The following CTTNBP2 variants were observed in gnomAD, a reference collection of about 807,000 sequenced individuals.
The protein encoded by CTTNBP2 is cortactin-binding protein 2.
In CTTNBP2, 108 loss-of-function variants were observed where a neutral mutation model predicts 156.9. That is an observed-to-expected ratio of 0.69 (90% CI 0.59 to 0.81). The LOEUF (loss-of-function observed/expected upper bound fraction) is 0.81, where lower values mean the gene tolerates loss of function less well. Among genes scored for constraint, CTTNBP2 ranks in the 30% least tolerant of loss-of-function variants. The pLI is 0.00. For synonymous variants in CTTNBP2, 767 were observed against 751.8 expected (o/e 1.02, Z -0.33); for missense variants, 1,924 against 2,035.4 (o/e 0.95, Z 1.05).
At chr7:117,826,836 ATTATTATTAT>A (rs1801312832) in intron 2 of CTTNBP2, among the ~76,000 whole-genome samples, 2 of 61,032 alleles carry the variant, frequency 3.3e-5, no homozygotes, top group Admixed American at 1.3e-4. Context: ...CATTATTATT[ATTATTATTAT>A]TATTATTATT....
At chr7:117,828,589 C>A (rs909059321) in intron 2 of CTTNBP2, among the ~76,000 whole-genome samples, 1 of 152,168 alleles carries the variant, frequency 6.6e-6, no homozygotes, top group African/African-American at 2.4e-5. Flanking sequence ...TACAAACCAT[C>A]AAGTGTAGTG....
intron 19 of CTTNBP2, among the ~76,000 whole-genome samples, chr7:117,722,583 C>T (rs943661103): frequency 2.2e-4 from 33 of 152,070 alleles, no homozygotes; most frequent in Admixed American, 6.6e-4. Context: ...TACATTTAAG[C>T]GTAATATAGT....
intron 2 of CTTNBP2, among the ~76,000 whole-genome samples, chr7:117,819,967 T>C (rs1485078803): frequency 6.6e-6 from 1 of 152,244 alleles, no homozygotes; most frequent in East Asian, 1.9e-4. Flanking sequence ...GCAGAATTCA[T>C]GAAAGGCTTG....
At chr7:117,721,178 C>T (rs1206083583) in intron 19 of CTTNBP2, 48 bp from the exon 20 acceptor site, 1 of 1,090,208 alleles carries the variant, frequency 9.2e-7, no homozygotes, top group Non-Finnish European at 1.4e-6. Flanking sequence ...CCCTGTGCCT[C>T]TTGAATTCTG....
intron 8 of CTTNBP2, 53 bp from the exon 9 acceptor site, chr7:117,767,229 G>A: frequency 2.0e-6 from 2 of 1,003,080 alleles, no homozygotes. Context: ...TAACTTGAAT[G>A]CAAAACCCAA....
chr7:117,813,323 T>C (rs981552113), intron 2 of CTTNBP2, among the ~76,000 whole-genome samples: 1 of 152,128 alleles, frequency 6.6e-6, no homozygotes, highest in African/African-American at 2.4e-5. Context: ...CATGGGCTTT[T>C]TGTTCAAAAT....
At chr7:117,754,023 T>C (rs1345184736) in intron 12 of CTTNBP2, among the ~76,000 whole-genome samples, 1 of 152,238 alleles carries the variant, frequency 6.6e-6, no homozygotes, top group Non-Finnish European at 1.5e-5. Flanking sequence ...ACTGGGAAGC[T>C]ATGCCATTCT....
rs527295714 is a variant in CTTNBP2 at position 117,768,581 on chromosome 7, AAAAG to A, written c.2779-1409_2779-1406del. On this transcript the variant is annotated intron_variant, in intron 8 of 22. Coordinates refer to ENST00000160373, the MANE Select transcript of CTTNBP2 (RefSeq NM_033427.3). ...ACTCTGTCTCAAAAAAAAAAAAAAA[AAAAG>A]AAAGAAAGAAAGAAAGAAATATAAT... is the stretch of plus-strand genomic sequence containing the variant. 4.3e-4 allele frequency among the ~76,000 whole-genome samples: 43 copies of A among 99,114 alleles called. 1 individual carries two copies. In the South Asian group the frequency reaches 5.9e-3, roughly 14 times the overall value. 65.0% of individuals were successfully genotyped at this position (99,114 alleles called of 152,430 possible).
chr7:117,783,830 G>A (rs1007461599), intron 5 of CTTNBP2, among the ~76,000 whole-genome samples: 1 of 151,866 alleles, frequency 6.6e-6, no homozygotes, highest in Non-Finnish European at 1.5e-5. Context: ...ACAACTTCTC[G>A]GTTCTTTTAA....
At chr7:117,808,619 A>G (rs1800084896) in intron 3 of CTTNBP2, among the ~76,000 whole-genome samples, 1 of 152,254 alleles carries the variant, frequency 6.6e-6, no homozygotes, top group Non-Finnish European at 1.5e-5. Context: ...TCAGATAATA[A>G]ATACTTGAAT....
At chr7:117,784,197 T>C (rs1798575752) in intron 5 of CTTNBP2, 54 bp downstream of exon 5, 1 of 1,387,102 alleles carries the variant, frequency 7.2e-7, no homozygotes, top group Non-Finnish European at 9.8e-7. Context: ...ATACATGGGC[T>C]TTTGACTTTC....
intron 2 of CTTNBP2, among the ~76,000 whole-genome samples, chr7:117,859,927 T>A (rs970197438): frequency 6.6e-6 from 1 of 152,224 alleles, no homozygotes; most frequent in Admixed American, 6.5e-5. Context: ...CTTCAGGAAC[T>A]ATCTCTTCTT....
intron 9 of CTTNBP2, among the ~76,000 whole-genome samples, chr7:117,762,948 T>C (rs985909826): frequency 6.6e-6 from 1 of 152,212 alleles, no homozygotes; most frequent in African/African-American, 2.4e-5. Context: ...TAAAGCTTCT[T>C]GAACCTTAGA....
At chr7:117,762,837 T>G (rs1164833976) in intron 9 of CTTNBP2, among the ~76,000 whole-genome samples, 1 of 152,230 alleles carries the variant, frequency 6.6e-6, no homozygotes, top group Non-Finnish European at 1.5e-5. Flanking sequence ...CTGACCCGTC[T>G]TCCTGCTTCT....
At chr7:117,861,108 A>C (rs1803704750) in intron 2 of CTTNBP2, 101 bp downstream of exon 2, 1 of 706,448 alleles carries the variant, frequency 1.4e-6, no homozygotes, top group Admixed American at 2.8e-5. Context: ...TAACATTTTA[A>C]ATCTATTTGA....
At chr7:117,845,607 C>T (rs10272052) in intron 2 of CTTNBP2, among the ~76,000 whole-genome samples, 14,378 of 152,270 alleles carry the variant, frequency 0.094, 823 homozygotes, top group African/African-American at 0.17. Flanking sequence ...CTTCTGGCTA[C>T]GCTAAATTCT....
At chr7:117,738,537 G>A (rs1398008700) in intron 14 of CTTNBP2, among the ~76,000 whole-genome samples, 2 of 152,286 alleles carry the variant, frequency 1.3e-5, no homozygotes, top group East Asian at 1.9e-4. Context: ...TTTTGAGACC[G>A]AATCAGTAAA....
chr7:117,824,848 T>G (rs1801185436), intron 2 of CTTNBP2, among the ~76,000 whole-genome samples: 1 of 152,248 alleles, frequency 6.6e-6, no homozygotes, highest in Non-Finnish European at 1.5e-5. Flanking sequence ...AAAATTTGTT[T>G]CTTGTAATAA....
At chr7:117,810,688 G>A in intron 3 of CTTNBP2, 77 bp downstream of exon 3, 1 of 1,176,638 alleles carries the variant, frequency 8.5e-7, no homozygotes. Flanking sequence ...TAATACTGAA[G>A]AACAAACAAC....
Sources: allele counts gnomAD v4.1 joint callset (sites outside exome capture counted in the v4.1 genomes callset), GRCh38; gene constraint gnomAD v4.1.1; transcripts MANE v1.5; gene names NCBI Gene and HGNC (gene_info 2026-07-23, HGNC 2026-07-21).